IRX3: variants seen among roughly 807,000 people sequenced by gnomAD.
IRX3 encodes the protein iroquois-class homeodomain protein IRX-3.
In IRX3, 20 loss-of-function variants were observed where a neutral mutation model predicts 36.4. That is an observed-to-expected ratio of 0.55 (90% CI 0.39 to 0.80). The LOEUF (loss-of-function observed/expected upper bound fraction) is 0.80, where lower values mean the gene tolerates loss of function less well. Among genes scored for constraint, IRX3 ranks in the 30% least tolerant of loss-of-function variants. The pLI, the probability that IRX3 is intolerant of heterozygous loss-of-function variation, is 0.00. For synonymous variants in IRX3, 404 were observed against 351.6 expected (o/e 1.15, Z -1.67); for missense variants, 718 against 733.2 (o/e 0.98, Z 0.24).
rs1249004336 is a variant in IRX3, at chr16:54,285,772, G to A, written c.267+12C>T. The A allele has an allele frequency of 2.0e-6, 3 of 1,532,058 alleles. No individual in the cohort carries two copies. Among genetic ancestry groups the A allele is most frequent in the East Asian group, 2.3e-5 (1 of 42,748 alleles). The allele number at this position is 1,532,058 out of a possible 1,614,324, so 94.9% of individuals were successfully genotyped here. ...CGCCAACCCCTCCTTCCCTGGCTCC[G>A]CGGGCTCTTACCAGCTGCGGGAAGA... On this transcript the variant is annotated intron_variant, in intron 1 of 3. Coordinates refer to ENST00000329734, the MANE Select transcript of IRX3 (RefSeq NM_024336.3). This position sits in a 1 kb window ranked among gnomAD's most constrained non-coding sequence, Gnocchi z 5.7.
rs1901308691 is a variant in IRX3 at position 54,285,558 on chromosome 16, G to C, written c.323C>G (p.Ala108Gly). Residue 108 changes from alanine to glycine, a missense_variant, in exon 2 of 4, where the codon GCC (alanine) becomes GGC (glycine). Coordinates refer to ENST00000329734, the MANE Select transcript of IRX3 (RefSeq NM_024336.3). This position sits in a 1 kb window ranked among gnomAD's most constrained non-coding sequence, Gnocchi z 5.7. ...GGCGGGGTGCGGGTGCGGAAACGCG[G>C]CAGCCGCGGCCGGATGCTGCACCCC... The part of the protein sequence containing the change: ...SPGVQHPAAA[A>G]AFPHPHPAFY... 7.5e-6 allele frequency: 12 copies of C among 1,596,904 alleles called. No homozygotes were observed. The highest frequency in any genetic ancestry group is 9.4e-6 in the Non-Finnish European group (11 of 1,171,322).
In IRX3 at chr16:54,284,274, T is replaced by A. The variant is rs1287244521; in HGVS notation, c.1423A>T (p.Lys475Ter). 6.2e-7 allele frequency: 1 copy of A among 1,612,278 alleles called. No homozygotes were observed. The highest frequency in any genetic ancestry group is 1.3e-5 in the African/African-American group (1 of 74,762). Residue 475 changes from lysine to a stop codon, truncating the protein, a stop_gained, in exon 3 of 4, where the codon AAG becomes TAG. Transcript: ENST00000329734. LOFTEE classifies it high-confidence loss of function. The surrounding 1 kb of genome is among the most constrained non-coding windows in gnomAD (Gnocchi z 4.0). Reference sequence around the variant, plus strand: ...CTGGGCACGGGCTGGAAAGCTGTCTTGAGTAACTTTTTCTCCACTTCCAAG... The same window carrying A: ...CTGGGCACGGGCTGGAAAGCTGTCTAGAGTAACTTTTTCTCCACTTCCAAG... The part of the protein sequence containing the change: ...SALEVEKKLL[K>*]TAFQPVPRRP...
Position 54,284,379 on chromosome 16 carries a change from G to C in IRX3, c.1385-67C>G. 1.3e-6 allele frequency: 2 copies of C among 1,539,722 alleles called. No individual in the cohort carries two copies. Among genetic ancestry groups the C allele is most frequent in the Non-Finnish European group, 1.7e-6 (2 of 1,147,980 alleles). On this transcript the variant is annotated intron_variant, in intron 2 of 3. Transcript: ENST00000329734. The surrounding 1 kb of genome is among the most constrained non-coding windows in gnomAD (Gnocchi z 4.0). ...CTCGGTGCCGGCGCCCAGGGCCGCA[G>C]AAAGCAGGAGTGGAGAGGGACGCGC...
In IRX3 at chr16:54,286,408, C is replaced by T; in HGVS notation, c.-358G>A. 1.0e-6 allele frequency: 1 copy of T among 985,916 alleles called. No individual in the cohort carries two copies. Among genetic ancestry groups the T allele is most frequent in the Non-Finnish European group, 1.2e-6 (1 of 830,216 alleles). 61.1% of individuals were successfully genotyped at this position (985,916 alleles called of 1,614,324 possible). On this transcript the variant is annotated 5_prime_UTR_variant, in exon 1 of 4. Coordinates refer to ENST00000329734, the MANE Select transcript of IRX3 (RefSeq NM_024336.3). ...CTCGCTCCTCACTGCCCTCCTCTCC[C>T]CAGCAGTGTCGCGCCTCGCTTCCTT...
chr16:54,283,893 T>C lies in IRX3; in HGVS notation c.1452-153A>G, dbSNP rs1354143268. The C allele has an allele frequency of 1.0e-5, 10 of 985,220 alleles. No individual in the cohort carries two copies. Among genetic ancestry groups the C allele is most frequent in the Non-Finnish European group, 1.2e-5 (10 of 829,906 alleles). The allele number at this position is 985,220 out of a possible 1,614,324, so 61.0% of individuals were successfully genotyped here. ...AGTTGTAGATGTGTGTGTTGGGGTT[T>C]AACTGTAGGGTGGGCACGAGGCGTC... is the stretch of plus-strand genomic sequence containing the variant. On this transcript the variant is annotated intron_variant, in intron 3 of 3. Transcript: ENST00000329734. This position sits in a 1 kb window ranked among gnomAD's most constrained non-coding sequence, Gnocchi z 4.4.
Position 54,284,186 on chromosome 16 carries a change from G to A in IRX3, c.1451+60C>T, listed in dbSNP as rs1274592710. 1 of 1,497,762 alleles carries A rather than the reference G, an allele frequency of 6.7e-7. No homozygotes were observed. The highest frequency in any genetic ancestry group is 1.4e-5 in the African/African-American group (1 of 71,584). 92.8% of individuals were successfully genotyped at this position (1,497,762 alleles called of 1,614,324 possible). ...GGCAAAAGGCCGTGCGTGGTGCTCG[G>A]CGTCCTCTCCTTTCCCCGCCAGCCA... On this transcript the variant is annotated intron_variant, in intron 3 of 3. Transcript: ENST00000329734. The surrounding 1 kb of genome is among the most constrained non-coding windows in gnomAD (Gnocchi z 4.0).
chr16:54,285,128 G>C lies in IRX3; in HGVS notation c.753C>G (p.Asp251Glu), dbSNP rs1444855205. Residue 251 changes from aspartate to glutamate, a missense_variant, in exon 2 of 4, where the codon GAC becomes GAG. Transcript: ENST00000329734. This position sits in a 1 kb window ranked among gnomAD's most constrained non-coding sequence, Gnocchi z 5.7. ...GGEGLADDDE[D>E]EEIDLENLDG... ...CTAAGTTCTCCAAATCGATCTCCTCGTCCTCGTCGTCGTCAGCCAGGCCCT... is the reference window on the plus strand; with the variant it reads ...CTAAGTTCTCCAAATCGATCTCCTCCTCCTCGTCGTCGTCAGCCAGGCCCT... 1.2e-6 allele frequency: 2 copies of C among 1,612,628 alleles called. No homozygotes were observed. The highest frequency in any genetic ancestry group is 1.7e-5 in the Admixed American group (1 of 59,846).
rs757184714 is a variant in IRX3 at position 54,284,898 on chromosome 16, G to T, written c.983C>A (p.Pro328His). The T allele has an allele frequency of 6.0e-5, 95 of 1,576,012 alleles. 3 individuals are homozygous for T. In the South Asian group the frequency reaches 9.3e-4, roughly 15 times the overall value. Residue 328 changes from proline to histidine, a missense_variant, in exon 2 of 4, where the codon CCC (proline) becomes CAC (histidine). This residue lies in a region of IRX3 where 468 missense variants were observed against 462.1 expected (regional missense o/e 1.01). Transcript: ENST00000329734. The surrounding 1 kb of genome is among the most constrained non-coding windows in gnomAD (Gnocchi z 4.0). The stretch of plus-strand genomic sequence containing the variant: ...GGGAGCGCAGGGGTCCAGGCTCACG[G>T]GGGGCGACGGCAGAGACGGCGAGGC... ...AVASPSLPSP[P>H]VSLDPCAPAP... is the part of the protein sequence containing the mutation.
chr16:54,283,944 G>A lies in IRX3; in HGVS notation c.1452-204C>T, dbSNP rs192976742. 2.0e-6 allele frequency: 2 copies of A among 985,416 alleles called. No individual in the cohort carries two copies. The highest frequency in any genetic ancestry group is 2.4e-6 in the Non-Finnish European group (2 of 829,918). The allele number at this position is 985,416 out of a possible 1,614,324, so 61.0% of individuals were successfully genotyped here. A position where few individuals can be genotyped will look rare whatever the true frequency, so the allele number is the denominator to read the frequency against. ...AGGACCCGAGGTCTGGGGCTGGAAA[G>A]AGGTGGGCGTCAGAGAACCGCCACC... On this transcript the variant is annotated intron_variant, in intron 3 of 3. Transcript: ENST00000329734. This position sits in a 1 kb window ranked among gnomAD's most constrained non-coding sequence, Gnocchi z 4.4.
rs556340325 is a variant in IRX3 at position 54,285,939 on chromosome 16, C to G, written c.112G>C (p.Ala38Pro). ...GAGGCGTTCAGCTCCGAGGCTCCGG[C>G]ACCCAGGCCGCCCCGGGCCCCCGCG... ...GSAGARGGLG[A>P]GASELNASGS... Residue 38 changes from alanine to proline, a missense_variant, in exon 1 of 4, where the codon GCC becomes CCC. Physicochemically the swap from Ala to Pro is conservative, Grantham distance 27. Transcript: ENST00000329734. This position sits in a 1 kb window ranked among gnomAD's most constrained non-coding sequence, Gnocchi z 5.7. 6 of 1,462,306 alleles carry G rather than the reference C, an allele frequency of 4.1e-6. No individual in the cohort carries two copies. In the African/African-American group the frequency reaches 8.9e-5, roughly 22 times the overall value. The allele number at this position is 1,462,306 out of a possible 1,614,324, so 90.6% of individuals were successfully genotyped here. A position where few individuals can be genotyped will look rare whatever the true frequency, so the allele number is the denominator to read the frequency against.
chr16:54,284,036 C>T lies in IRX3; in HGVS notation c.1451+210G>A. 2.2e-6 allele frequency: 3 copies of T among 1,347,188 alleles called. No homozygotes were observed. The highest frequency in any genetic ancestry group is 9.8e-7 in the Non-Finnish European group (1 of 1,019,678). 83.5% of individuals were successfully genotyped at this position (1,347,188 alleles called of 1,614,324 possible). A position where few individuals can be genotyped will look rare whatever the true frequency, so the allele number is the denominator to read the frequency against. On this transcript the variant is annotated intron_variant, in intron 3 of 3. Transcript: ENST00000329734. The surrounding 1 kb of genome is among the most constrained non-coding windows in gnomAD (Gnocchi z 4.0). Reference sequence around the variant, plus strand: ...TAGAAGGTACAAGCGCTGTACCCTCCGGCCGCGCCTGGGGTGCCTGGGCTG... The same window carrying T: ...TAGAAGGTACAAGCGCTGTACCCTCTGGCCGCGCCTGGGGTGCCTGGGCTG...
chr16:54,285,539 G>T lies in IRX3; in HGVS notation c.342C>A (p.His114Gln), dbSNP rs754455366. 4 of 1,609,178 alleles carry T rather than the reference G, an allele frequency of 2.5e-6. No homozygotes were observed. The highest frequency in any genetic ancestry group is 3.4e-6 in the Non-Finnish European group (4 of 1,177,424). The change falls in exon 2 of 4, where the codon CAC (histidine) becomes CAA (glutamine). Residue 114 changes from histidine (H) to glutamine (Q), a missense_variant. His to Gln is a conservative substitution (Grantham distance 24). Coordinates refer to ENST00000329734, the MANE Select transcript of IRX3 (RefSeq NM_024336.3). The surrounding 1 kb of genome is among the most constrained non-coding windows in gnomAD (Gnocchi z 5.7). ...PAAAAAFPHP[H>Q]PAFYPYGQYQ... ...ACTGGCCATACGGGTAGAAGGCGGG[G>T]TGCGGGTGCGGAAACGCGGCAGCCG... is the stretch of plus-strand genomic sequence containing the variant.
chr16:54,283,734 C>T lies in IRX3; in HGVS notation c.1458G>A (p.Gln486=). The change falls in exon 4 of 4, where the codon CAG becomes CAA. Residue 486 remains glutamine (Q), a synonymous_variant. Transcript: ENST00000329734. The surrounding 1 kb of genome is among the most constrained non-coding windows in gnomAD (Gnocchi z 4.4). The part of the protein sequence containing the change: ...TAFQPVPRRP[Q]NHLDAALVLS... Reference sequence around the variant, plus strand: ...AGACCAGGGCGGCGTCCAGATGGTTCTGGGGCCTGGAAGAGAGAGACAGTA... The same window carrying T: ...AGACCAGGGCGGCGTCCAGATGGTTTTGGGGCCTGGAAGAGAGAGACAGTA... 2 of 1,589,150 alleles carry T rather than the reference C, an allele frequency of 1.3e-6. No individual in the cohort carries two copies. Among genetic ancestry groups the T allele is most frequent in the Non-Finnish European group, 1.7e-6 (2 of 1,157,658 alleles).
rs1394150549 is a variant in IRX3, at chr16:54,284,738, G to A, written c.1143C>T (p.Ser381=). ...CGGCGGCCGGAGAGAGCTGCAGGGC[G>A]GAAGGCGCGACCGCTGCCCCCGGTG... ...GSPPGAAVAP[S]ALQLSPAAAA... is the part of the protein sequence containing the mutation. The change falls in exon 2 of 4, where the codon TCC becomes TCT. Residue 381 remains serine (S), a synonymous_variant. Transcript: ENST00000329734. The surrounding 1 kb of genome is among the most constrained non-coding windows in gnomAD (Gnocchi z 4.0). 6 of 1,454,716 alleles carry A rather than the reference G, an allele frequency of 4.1e-6. No individual in the cohort carries two copies. Among genetic ancestry groups the A allele is most frequent in the Non-Finnish European group, 5.4e-6 (6 of 1,116,472 alleles). 90.1% of individuals were successfully genotyped at this position (1,454,716 alleles called of 1,614,324 possible). A position where few individuals can be genotyped will look rare whatever the true frequency, so the allele number is the denominator to read the frequency against.
Position 54,284,652 on chromosome 16 carries a change from T to C in IRX3, c.1229A>G (p.Asn410Ser), listed in dbSNP as rs1414658791. The change falls in exon 2 of 4, where the codon AAC becomes AGC. Residue 410 changes from asparagine (N) to serine (S), a missense_variant. This residue lies in a region of IRX3 where 468 missense variants were observed against 462.1 expected (regional missense o/e 1.01). Transcript: ENST00000329734. The surrounding 1 kb of genome is among the most constrained non-coding windows in gnomAD (Gnocchi z 4.0). ...GGGCGGTGGGCCTGGAAACGGCCGGTTGGTCCAAGCCGGGAACTTGCCCAG... is the reference window on the plus strand; with the variant it reads ...GGGCGGTGGGCCTGGAAACGGCCGGCTGGTCCAAGCCGGGAACTTGCCCAG... ...APLGKFPAWT[N>S]RPFPGPPPGP... 1.4e-6 allele frequency: 2 copies of C among 1,379,668 alleles called. No homozygotes were observed. The highest frequency in any genetic ancestry group is 1.9e-6 in the Non-Finnish European group (2 of 1,078,490). The allele number at this position is 1,379,668 out of a possible 1,614,324, so 85.5% of individuals were successfully genotyped here.
chr16:54,286,227 C>A lies in IRX3; in HGVS notation c.-177G>T. 9.9e-7 allele frequency: 1 copy of A among 1,010,576 alleles called. No individual in the cohort carries two copies. The allele number at this position is 1,010,576 out of a possible 1,614,324, so 62.6% of individuals were successfully genotyped here. ...ATCTGCTCCGCGGCGGCGACGGCGG[C>A]GGCGAGGGCGGCGGCGAGGAGCCAG... is the stretch of plus-strand genomic sequence containing the variant. On this transcript the variant is annotated 5_prime_UTR_variant, in exon 1 of 4. Coordinates refer to ENST00000329734, the MANE Select transcript of IRX3 (RefSeq NM_024336.3).
rs1197940495 is a variant in IRX3 at position 54,284,158 on chromosome 16, CG to C, written c.1451+87del. On this transcript the variant is annotated intron_variant, in intron 3 of 3. Coordinates refer to ENST00000329734, the MANE Select transcript of IRX3 (RefSeq NM_024336.3). The surrounding 1 kb of genome is among the most constrained non-coding windows in gnomAD (Gnocchi z 4.0). Reference sequence around the variant, plus strand: ...GTCCCAGCAGGGTTCCCCCCTACCCCGGGGCAAAAGGCCGTGCGTGGTGCTC... The same window carrying C: ...GTCCCAGCAGGGTTCCCCCCTACCCCGGGCAAAAGGCCGTGCGTGGTGCTC... 3.7e-6 allele frequency: 5 copies of C among 1,359,664 alleles called. No individual in the cohort carries two copies. The Admixed American group carries it at 8.6e-5, about 23-fold the overall frequency. 84.2% of individuals were successfully genotyped at this position (1,359,664 alleles called of 1,614,324 possible). A position where few individuals can be genotyped will look rare whatever the true frequency, so the allele number is the denominator to read the frequency against.
At position 54,285,024 on chromosome 16, in the gene IRX3, G is replaced by A. The variant is rs145202228; in HGVS notation, c.857C>T (p.Ser286Leu). The A allele has an allele frequency of 5.0e-6, 8 of 1,613,772 alleles. No homozygotes were observed. Among genetic ancestry groups the A allele is most frequent in the Non-Finnish European group, 6.8e-6 (8 of 1,179,946 alleles). ...RDGDLGLGPISDSKNSDSEDS... is the reference protein window; with the variant it reads ...RDGDLGLGPILDSKNSDSEDS... ...TTCCGAGTCGCTATTTTTGGAGTCC[G>A]AAATGGGTCCCAGGCCTAGGTCGCC... Residue 286 changes from serine (S) to leucine (L), a missense_variant, in exon 2 of 4, where the codon TCG (serine) becomes TTG (leucine). By Grantham distance (145) the Ser-to-Leu change is moderately radical. Around this residue, in one of 3 missense-constraint regions of IRX3, gnomAD observed 468 missense variants for 462.1 expected, o/e 1.01. Transcript: ENST00000329734. The surrounding 1 kb of genome is among the most constrained non-coding windows in gnomAD (Gnocchi z 5.7).
At position 54,283,461 on chromosome 16, in the gene IRX3, GACAA is replaced by G. The variant is rs1472949806; in HGVS notation, c.*221_*224del. 8.4e-6 allele frequency: 4 copies of G among 474,942 alleles called. No individual in the cohort carries two copies. The highest frequency in any genetic ancestry group is 3.9e-5 in the African/African-American group (2 of 51,286). The allele number at this position is 474,942 out of a possible 1,614,324, so 29.4% of individuals were successfully genotyped here. A position where few individuals can be genotyped will look rare whatever the true frequency, so the allele number is the denominator to read the frequency against. ...AAACTCCACCCCCCAAAATCAACCG[GACAA>G]ACAAACCTCACAGCGAATGCGGGGT... On this transcript the variant is annotated 3_prime_UTR_variant, in exon 4 of 4. Coordinates refer to ENST00000329734, the MANE Select transcript of IRX3 (RefSeq NM_024336.3). The surrounding 1 kb of genome is among the most constrained non-coding windows in gnomAD (Gnocchi z 4.4).
Sources: allele counts gnomAD v4.1 joint callset, GRCh38; gene constraint gnomAD v4.1.1; regional missense constraint gnomAD v4.1.1; non-coding constraint Gnocchi (gnomAD v3.1); transcripts MANE v1.5; gene names NCBI Gene and HGNC (gene_info 2026-07-23, HGNC 2026-07-21).